ADCY5: variants seen among roughly 807,000 people sequenced by gnomAD.
ADCY5 encodes the protein adenylate cyclase type 5.
Under a neutral mutation model 119.7 loss-of-function variants are expected in ADCY5, and 30 were observed. The observed-to-expected ratio is 0.25, with a 90% CI of 0.19 to 0.34. ADCY5 has a LOEUF of 0.34. ADCY5 is among the 10% of genes least tolerant of loss of function. The pLI is 1.00. For synonymous variants in ADCY5, 753 were observed against 762.2 expected (o/e 0.99, Z 0.20); for missense variants, 1,324 against 1,775.2 (o/e 0.75, Z 4.57).
intron 8 of ADCY5, 25 bp from the exon 9 acceptor site, chr3:123,320,796 A>C (rs1458007049): frequency 1.9e-6 from 3 of 1,549,472 alleles, no homozygotes; most frequent in Non-Finnish European, 2.7e-6. Context: ...TAGAAAGAGA[A>C]AGAGAAGAGA....
intron 1 of ADCY5, among the ~76,000 whole-genome samples, chr3:123,378,476 C>T (rs1156669071): frequency 6.6e-6 from 1 of 152,116 alleles, no homozygotes; most frequent in African/African-American, 2.4e-5. Context: ...CAGACATCAG[C>T]ACGTCATCTT....
intron 1 of ADCY5, 127 bp downstream of exon 1, chr3:123,447,285 T>A: frequency 8.9e-7 from 1 of 1,120,570 alleles, no homozygotes; most frequent in South Asian, 1.8e-5. Flanking sequence ...ATAGCCTACA[T>A]GGCCGAGCCC....
chr3:123,379,387 G>A (rs1943952112), intron 1 of ADCY5, among the ~76,000 whole-genome samples: 1 of 152,056 alleles, frequency 6.6e-6, no homozygotes, highest in Admixed American at 6.5e-5. Flanking sequence ...GACCTTCCTG[G>A]ACCATGACCT....
chr3:123,409,368 G>A (rs1944986736), intron 1 of ADCY5, among the ~76,000 whole-genome samples: 2 of 152,314 alleles, frequency 1.3e-5, no homozygotes, highest in South Asian at 4.1e-4. Flanking sequence ...CATGAAACCA[G>A]GTAGCATGTG....
chr3:123,427,469 C>T (rs768421789), intron 1 of ADCY5, among the ~76,000 whole-genome samples: 40 of 152,202 alleles, frequency 2.6e-4, no homozygotes, highest in Non-Finnish European at 5.9e-5. Context: ...TGCCACCATG[C>T]CTTCGCTCCT....
At chr3:123,308,307 G>A (rs1005669538) in intron 12 of ADCY5, among the ~76,000 whole-genome samples, 13 of 151,720 alleles carry the variant, frequency 8.6e-5, no homozygotes, top group Non-Finnish European at 1.5e-4. Flanking sequence ...AAAGTGCTGG[G>A]ATTACAGGCG....
chr3:123,338,805 G>A (rs775055894), intron 3 of ADCY5, among the ~76,000 whole-genome samples: 3 of 152,196 alleles, frequency 2.0e-5, no homozygotes, highest in Non-Finnish European at 4.4e-5. Context: ...TCCAAACCAC[G>A]TGCACTTTTG....
intron 12 of ADCY5, among the ~76,000 whole-genome samples, chr3:123,308,513 A>G (rs930190557): frequency 7.2e-5 from 11 of 151,918 alleles, no homozygotes; most frequent in Non-Finnish European, 1.3e-4. Context: ...CTAAATCTAG[A>G]TTTTACTAAC....
intron 8 of ADCY5, among the ~76,000 whole-genome samples, chr3:123,323,128 C>G (rs536212131): frequency 6.6e-6 from 1 of 152,348 alleles, no homozygotes; most frequent in Admixed American, 6.5e-5. Context: ...GATGGCAGCC[C>G]CCTCAGGGGA....
chr3:123,324,614 C>T (rs1431614565), intron 8 of ADCY5, among the ~76,000 whole-genome samples: 1 of 152,182 alleles, frequency 6.6e-6, no homozygotes, highest in Non-Finnish European at 1.5e-5. Context: ...AGTAACGTGG[C>T]TTCTTCCTCC....
intron 1 of ADCY5, among the ~76,000 whole-genome samples, chr3:123,390,895 A>G (rs1944383722): frequency 6.6e-6 from 1 of 152,224 alleles, no homozygotes; most frequent in Non-Finnish European, 1.5e-5. Flanking sequence ...GGCACGCTAT[A>G]AAGAGAGACA....
At chr3:123,367,844 T>C (rs1943500469) in intron 1 of ADCY5, 7 of 1,518,096 alleles carry the variant, frequency 4.6e-6, no homozygotes, top group Non-Finnish European at 6.1e-6. Context: ...GTCAGCAGAA[T>C]CCAGAAGAAA....
At chr3:123,374,694 G>C (rs2124499) in intron 1 of ADCY5, among the ~76,000 whole-genome samples, 41,226 of 152,048 alleles carry the variant, frequency 0.27, 6,797 homozygotes, top group Non-Finnish European at 0.37. Flanking sequence ...TTGGCAAAAG[G>C]GGGGCAGCAG....
intron 1 of ADCY5, among the ~76,000 whole-genome samples, chr3:123,443,295 G>A (rs1047162334): frequency 6.6e-5 from 10 of 152,110 alleles, no homozygotes; most frequent in African/African-American, 2.2e-4. Flanking sequence ...GTCGAGGTCC[G>A]AAGAACCATC....
chr3:123,313,881 T>C (rs1427926941), intron 12 of ADCY5, among the ~76,000 whole-genome samples: 1 of 152,186 alleles, frequency 6.6e-6, no homozygotes, highest in South Asian at 2.1e-4. Context: ...ACACCCATTC[T>C]CTCAGCAAAT....
At chr3:123,369,017 A>T (rs969375500) in intron 1 of ADCY5, among the ~76,000 whole-genome samples, 1 of 152,154 alleles carries the variant, frequency 6.6e-6, no homozygotes, top group Non-Finnish European at 1.5e-5. Context: ...GGTCTCTGCT[A>T]TGGTTTTGAA....
At chr3:123,381,945 G>A (rs192627547) in intron 1 of ADCY5, among the ~76,000 whole-genome samples, 1 of 152,306 alleles carries the variant, frequency 6.6e-6, no homozygotes, top group East Asian at 1.9e-4. Flanking sequence ...TCTCACTCAA[G>A]GGAGAAGAAA....
chr3:123,325,207 G>A (rs989750195), intron 8 of ADCY5, 115 bp downstream of exon 8: 1 of 1,370,918 alleles, frequency 7.3e-7, no homozygotes, highest in Admixed American at 2.2e-5. Context: ...GTATTTGCTT[G>A]TGTGGCTCCC....
At chr3:123,357,741 G>T (rs759684375) in intron 1 of ADCY5, among the ~76,000 whole-genome samples, 11 of 152,174 alleles carry the variant, frequency 7.2e-5, no homozygotes, top group Non-Finnish European at 1.3e-4. Flanking sequence ...TGCCAAAAAA[G>T]CAGGAATCTG....
Sources: allele counts gnomAD v4.1 joint callset (sites outside exome capture counted in the v4.1 genomes callset), GRCh38; gene constraint gnomAD v4.1.1; transcripts MANE v1.5; gene names NCBI Gene and HGNC (gene_info 2026-07-23, HGNC 2026-07-21).